The following ANXA5 variants were observed in gnomAD, a reference collection of about 807,000 sequenced individuals.
The protein encoded by ANXA5 is CBP-I.
ANXA5 carries 40 observed loss-of-function variants against 48.1 expected under a neutral mutation model. That is an observed-to-expected ratio of 0.83 (90% confidence interval 0.65 to 1.08). The LOEUF is 1.08. Ranked by LOEUF, ANXA5 falls within the 50% of genes least tolerant of loss-of-function variation. The probability of loss-of-function intolerance (pLI) is 0.00; values close to 1 mark genes in which losing one functional copy is unlikely to be tolerated. For synonymous variants in ANXA5, 113 were observed against 129.1 expected, an observed-to-expected ratio of 0.88 and a Z score of 0.85; for missense variants, 357 against 376.8, an observed-to-expected ratio of 0.95 and a Z score of 0.44.
Position 121,670,023 on chromosome 4 carries a change from AAAC to A in ANXA5, c.722-14_722-12del, listed in dbSNP as rs531169706. ...TTCGAATAGATTTCACTAAGAAAAT[AAAC>A]AATACAATGGTCAAATGCTATTTTG... On this transcript the variant is annotated splice_polypyrimidine_tract_variant and intron_variant, in intron 10 of 12. Transcript: ENST00000296511. 2.9e-5 allele frequency: 45 copies of A among 1,576,320 alleles called. No individual in the cohort carries two copies. The East Asian group carries it at 9.9e-4, about 35-fold the overall frequency.
At chr4:121,678,601 T>C (rs1039128905) in intron 6 of ANXA5, 107 bp from the exon 7 acceptor site, 64 of 911,590 alleles carry the variant, frequency 7.0e-5, no homozygotes, top group Non-Finnish European at 1.5e-5. Context: ...TAATTATATT[T>C]GGTTAACATA....
At chr4:121,669,929 T>C (rs765028408) in intron 11 of ANXA5, 25 bp downstream of exon 11, 13 of 1,546,936 alleles carry the variant, frequency 8.4e-6, no homozygotes, top group Non-Finnish European at 1.1e-5. Flanking sequence ...ATGTATTAGA[T>C]AGAAGGTTCA....
At chr4:121,671,405 G>A (rs1724610504) in intron 10 of ANXA5, 142 bp downstream of exon 10, 1 of 586,518 alleles carries the variant, frequency 1.7e-6, no homozygotes, top group Non-Finnish European at 3.0e-6. Flanking sequence ...TTCTGAATTG[G>A]AAATTTGGGA....
chr4:121,678,371 C>G (rs373860357), intron 7 of ANXA5, 44 bp downstream of exon 7: 180 of 1,542,540 alleles, frequency 1.2e-4, no homozygotes, highest in Non-Finnish European at 1.6e-4. Flanking sequence ...CCCAGTCCAA[C>G]TTCAGGCTTT....
At chr4:121,675,437 G>T (rs909013343) in intron 8 of ANXA5, among the ~76,000 whole-genome samples, 5 of 152,112 alleles carry the variant, frequency 3.3e-5, no homozygotes, top group Admixed American at 2.6e-4. Context: ...GGTACAAGTT[G>T]GTGTGTTCCT....
intron 3 of ANXA5, among the ~76,000 whole-genome samples, chr4:121,685,037 TATATATATATATATACACACAC>T (rs1335477046): frequency 1.6e-5 from 2 of 124,080 alleles, no homozygotes; most frequent in African/African-American, 6.6e-5. Context: ...AAAATATGTA[TATATATATATATATACACACAC>T]ACATATATAT....
intron 12 of ANXA5, among the ~76,000 whole-genome samples, 190 bp from the exon 13 acceptor site, chr4:121,668,717 T>C (rs538932943): frequency 6.6e-6 from 1 of 152,104 alleles, no homozygotes; most frequent in Non-Finnish European, 1.5e-5. Context: ...CAGTATTCCC[T>C]CTGGTAACAC....
intron 2 of ANXA5, among the ~76,000 whole-genome samples, chr4:121,690,753 C>T (rs1724969810): frequency 6.6e-6 from 1 of 152,106 alleles, no homozygotes; most frequent in African/African-American, 2.4e-5. Flanking sequence ...GGAAGAAAAG[C>T]ATCTTAAAAA....
intron 2 of ANXA5, among the ~76,000 whole-genome samples, chr4:121,693,246 A>C (rs1725017817): frequency 6.6e-6 from 1 of 152,044 alleles, no homozygotes; most frequent in African/African-American, 2.4e-5. Flanking sequence ...GGGAGAAAAA[A>C]AAAAACCCAA....
At chr4:121,681,554 T>C in intron 6 of ANXA5, 117 bp downstream of exon 6, 1 of 577,156 alleles carries the variant, frequency 1.7e-6, no homozygotes, top group Non-Finnish European at 3.1e-6. Flanking sequence ...ATTCATTCAT[T>C]CATTCATCCA....
At chr4:121,686,675 G>C (rs554265834) in intron 2 of ANXA5, among the ~76,000 whole-genome samples, 1 of 152,168 alleles carries the variant, frequency 6.6e-6, no homozygotes, top group Non-Finnish European at 1.5e-5. Flanking sequence ...ATCTTTGCAG[G>C]TTCCCTTCCC....
At chr4:121,679,653 G>A (rs1724757011) in intron 6 of ANXA5, among the ~76,000 whole-genome samples, 1 of 152,058 alleles carries the variant, frequency 6.6e-6, no homozygotes, top group African/African-American at 2.4e-5. Flanking sequence ...CCACAGTCCA[G>A]TCTCCATGCC....
At chr4:121,681,841 CA>C (rs1471054386) in intron 5 of ANXA5, 80 bp from the exon 6 acceptor site, 1 of 910,334 alleles carries the variant, frequency 1.1e-6, no homozygotes, top group Non-Finnish European at 1.7e-6. Flanking sequence ...AGATGTTACC[CA>C]AATTGCATAG....
chr4:121,671,233 T>C (rs1051557502), intron 10 of ANXA5, among the ~76,000 whole-genome samples: 1 of 152,188 alleles, frequency 6.6e-6, no homozygotes, highest in African/African-American at 2.4e-5. Context: ...TCAGAAATAA[T>C]GTTTACAAGC....
At chr4:121,678,577 T>C in intron 6 of ANXA5, 83 bp from the exon 7 acceptor site, 1 of 1,123,918 alleles carries the variant, frequency 8.9e-7, no homozygotes, top group Admixed American at 2.1e-5. Context: ...ATGAAAGCGA[T>C]GTAAAAGAAG....
At position 121,696,917 on chromosome 4, in the gene ANXA5, G is replaced by C. The variant is rs549650618; in HGVS notation, c.-90C>G. ...CCCCGGGAGAGCGGCGGAGAGCCGG[G>C]CGACGGTACGCGGGGCGACGCCGAG... On this transcript the variant is annotated 5_prime_UTR_variant, in exon 1 of 13. Transcript: ENST00000296511. The C allele has an allele frequency of 1.8e-4, 47 of 255,190 alleles. No individual in the cohort carries two copies. The highest frequency in any genetic ancestry group is 9.4e-4 in the African/African-American group (42 of 44,866). The allele number at this position is 255,190 out of a possible 1,614,324, so 15.8% of individuals were successfully genotyped here.
intron 2 of ANXA5, among the ~76,000 whole-genome samples, chr4:121,691,049 C>A (rs1724975340): frequency 6.6e-6 from 1 of 152,144 alleles, no homozygotes; most frequent in South Asian, 2.1e-4. Context: ...TTCCTGGAGT[C>A]CCCACACTTT....
chr4:121,686,029 CTTT>C (rs60663589), intron 3 of ANXA5, among the ~76,000 whole-genome samples: 2 of 140,352 alleles, frequency 1.4e-5, no homozygotes, highest in Admixed American at 7.1e-5. Context: ...AATTTTTTTG[CTTT>C]TTTTTTTTTT....
chr4:121,674,916 G>A (rs1724673116), intron 8 of ANXA5, among the ~76,000 whole-genome samples: 2 of 152,156 alleles, frequency 1.3e-5, no homozygotes, highest in Admixed American at 1.3e-4. Context: ...CAAAACAGAT[G>A]TGGTCTATCT....
Sources: gnomAD v4.1 joint callset for allele counts (sites outside exome capture counted in the v4.1 genomes callset) on GRCh38, gnomAD v4.1.1 for gene constraint, MANE v1.5 for transcripts, NCBI Gene and HGNC (gene_info 2026-07-23, HGNC 2026-07-21) for gene names.